The following ZNF627 variants were observed in gnomAD, a reference collection of about 807,000 sequenced individuals.
ZNF627 encodes zinc finger protein 627.
Under a neutral mutation model 10.6 loss-of-function variants are expected in ZNF627, and 12 were observed. The ratio of observed to expected loss-of-function variants is 1.13; its 90% CI spans 0.73 to 1.84. The LOEUF (loss-of-function observed/expected upper bound fraction) is 1.84, where lower values mean the gene tolerates loss of function less well. Among genes scored for constraint, ZNF627 ranks in the 40% most tolerant of loss-of-function variants. ZNF627 has a pLI of 0.00. For missense variants in ZNF627, 504 were observed against 568.4 expected (o/e 0.89, Z 1.15); for synonymous variants, 176 against 187.1 (o/e 0.94, Z 0.48).
Position 11,617,441 on chromosome 19 carries a change from G to A in ZNF627, c.938G>A (p.Gly313Glu). Reference sequence around the variant, plus strand: ...AAACTTTTTGAATGTAAGGAATGCGGGAAGGCTTTGACTTGTCTTGCAAGT... The same window carrying A: ...AAACTTTTTGAATGTAAGGAATGCGAGAAGGCTTTGACTTGTCTTGCAAGT... ...GEKLFECKEC[G>E]KALTCLASVR... The change falls in exon 4 of 4, where the codon GGG (glycine) becomes GAG (glutamate). Residue 313 changes from glycine to glutamate, a missense_variant. By Grantham distance (98) the Gly-to-Glu change is moderately conservative. Coordinates refer to ENST00000361113, the MANE Select transcript of ZNF627 (RefSeq NM_145295.4). 6.2e-7 allele frequency: 1 copy of A among 1,613,900 alleles called. No individual in the cohort carries two copies. The highest frequency in any genetic ancestry group is 2.2e-5 in the East Asian group (1 of 44,858).
At chr19:11,599,796 A>G (rs771443937) in intron 1 of ZNF627, among the ~76,000 whole-genome samples, 4 of 152,084 alleles carry the variant, frequency 2.6e-5, no homozygotes, top group Non-Finnish European at 5.9e-5. Flanking sequence ...AATCTCAGCT[A>G]CTGGGGAGGC....
intron 3 of ZNF627, among the ~76,000 whole-genome samples, chr19:11,615,331 T>C (rs1973848314): frequency 6.6e-6 from 1 of 150,386 alleles, no homozygotes; most frequent in African/African-American, 2.4e-5. Context: ...CCAGGCATGG[T>C]GACTCACGCC....
chr19:11,617,165 A>G lies in ZNF627; in HGVS notation c.662A>G (p.Lys221Arg), dbSNP rs1335601235. ...RIHERSHTGEKPYECKQCGKA... is the reference protein window; with the variant it reads ...RIHERSHTGERPYECKQCGKA... ...CATGAAAGAAGTCACACTGGAGAGAAACCTTATGAATGCAAGCAATGTGGG... is the reference window on the plus strand; with the variant it reads ...CATGAAAGAAGTCACACTGGAGAGAGACCTTATGAATGCAAGCAATGTGGG... Residue 221 changes from lysine (K) to arginine (R), a missense_variant, in exon 4 of 4, where the codon AAA becomes AGA. Transcript: ENST00000361113. The G allele has an allele frequency of 3.7e-6, 6 of 1,613,692 alleles. No homozygotes were observed. Among genetic ancestry groups the G allele is most frequent in the Non-Finnish European group, 5.1e-6 (6 of 1,179,958 alleles).
intron 1 of ZNF627, among the ~76,000 whole-genome samples, chr19:11,609,936 G>A (rs1381640926): frequency 3.3e-5 from 5 of 152,024 alleles, no homozygotes; most frequent in Admixed American, 2.0e-4. Flanking sequence ...CGTCCAGTGA[G>A]CGCAATAACT....
Position 11,610,801 on chromosome 19 carries a change from G to T in ZNF627, c.4-3726G>T, listed in dbSNP as rs538237794. Among the ~76,000 whole-genome samples the T allele has an allele frequency of 7.2e-5, 11 of 152,244 alleles. No homozygotes were observed. In the East Asian group the frequency reaches 2.1e-3, roughly 29 times the overall value. ...CTGTTTCATAGATGGGATGCTTCTT[G>T]ATTCGTGACTCGCTAATAATAGCCA... On this transcript the variant is annotated intron_variant, in intron 1 of 3. Coordinates refer to ENST00000361113, the MANE Select transcript of ZNF627 (RefSeq NM_145295.4).
At chr19:11,600,793 A>G (rs1384606177) in intron 1 of ZNF627, among the ~76,000 whole-genome samples, 1 of 152,134 alleles carries the variant, frequency 6.6e-6, no homozygotes, top group African/African-American at 2.4e-5. Context: ...GGACTTGGTA[A>G]CTCCTAGAAG....
intron 1 of ZNF627, among the ~76,000 whole-genome samples, chr19:11,606,698 T>C (rs531832155): frequency 1.3e-5 from 2 of 152,370 alleles, no homozygotes; most frequent in African/African-American, 4.8e-5. Context: ...TCCGCCCCTG[T>C]AGCACACCTC....
Position 11,618,000 on chromosome 19 carries a change from C to A in ZNF627, c.*111C>A. Reference sequence around the variant, plus strand: ...GAAAGGATTCACAGTGGAGAAAGACCCTGTAAGATAATTGGCTTTAAATTA... The same window carrying A: ...GAAAGGATTCACAGTGGAGAAAGACACTGTAAGATAATTGGCTTTAAATTA... On this transcript the variant is annotated 3_prime_UTR_variant, in exon 4 of 4. Coordinates refer to ENST00000361113, the MANE Select transcript of ZNF627 (RefSeq NM_145295.4). 1 of 905,334 alleles carries A rather than the reference C, an allele frequency of 1.1e-6. No individual in the cohort carries two copies. The highest frequency in any genetic ancestry group is 1.6e-6 in the Non-Finnish European group (1 of 628,104). The allele number at this position is 905,334 out of a possible 1,614,324, so 56.1% of individuals were successfully genotyped here. A position where few individuals can be genotyped will look rare whatever the true frequency, so the allele number is the denominator to read the frequency against.
At chr19:11,602,371 TA>T (rs1366226126) in intron 1 of ZNF627, among the ~76,000 whole-genome samples, 3 of 152,278 alleles carry the variant, frequency 2.0e-5, no homozygotes, top group Admixed American at 2.0e-4. Context: ...TTGTCATAGG[TA>T]AAAAAGCAGT....
At chr19:11,598,610 C>T (rs1973532770) in intron 1 of ZNF627, among the ~76,000 whole-genome samples, 1 of 152,148 alleles carries the variant, frequency 6.6e-6, no homozygotes, top group Non-Finnish European at 1.5e-5. Context: ...CTGGCGCTTG[C>T]AAATAATTCT....
At chr19:11,606,147 C>G (rs1176357235) in intron 1 of ZNF627, among the ~76,000 whole-genome samples, 1 of 152,072 alleles carries the variant, frequency 6.6e-6, no homozygotes, top group African/African-American at 2.4e-5. Context: ...CAAGACCATC[C>G]TGGCTAACAT....
Position 11,617,341 on chromosome 19 carries a change from G to T in ZNF627, c.838G>T (p.Glu280Ter), listed in dbSNP as rs751573167. The T allele has an allele frequency of 2.5e-6, 4 of 1,613,778 alleles. No homozygotes were observed. In the Admixed American group the frequency reaches 6.7e-5, roughly 27 times the overall value. ...ERTHTGEKPY[E>*]CKQCGKAFRC... ...AACTCACACAGGAGAGAAACCCTACGAATGTAAACAGTGCGGTAAAGCCTT... is the reference window on the plus strand; with the variant it reads ...AACTCACACAGGAGAGAAACCCTACTAATGTAAACAGTGCGGTAAAGCCTT... Residue 280 changes from glutamate (E) to a stop codon, truncating the protein, a stop_gained, in exon 4 of 4, where the codon GAA becomes TAA. Coordinates refer to ENST00000361113, the MANE Select transcript of ZNF627 (RefSeq NM_145295.4). LOFTEE classifies it low-confidence loss of function (END_TRUNC).
Position 11,616,926 on chromosome 19 carries a change from T to C in ZNF627, c.423T>C (p.Arg141=), listed in dbSNP as rs1568444685. ...YQEYGKKSYT[R]NQCGRALSYH... ...AATATGGAAAGAAGTCATATACACGTAACCAGTGTGGACGAGCCTTGAGTT... is the reference window on the plus strand; with the variant it reads ...AATATGGAAAGAAGTCATATACACGCAACCAGTGTGGACGAGCCTTGAGTT... The change falls in exon 4 of 4, where the codon CGT becomes CGC. Residue 141 remains arginine (R), a synonymous_variant. Coordinates refer to ENST00000361113, the MANE Select transcript of ZNF627 (RefSeq NM_145295.4). The C allele has an allele frequency of 6.2e-7, 1 of 1,614,152 alleles. No individual in the cohort carries two copies.
Position 11,617,014 on chromosome 19 carries a change from G to C in ZNF627, c.511G>C (p.Glu171Gln). The C allele has an allele frequency of 6.2e-7, 1 of 1,614,106 alleles. No homozygotes were observed. Among genetic ancestry groups the C allele is most frequent in the Non-Finnish European group, 8.5e-7 (1 of 1,179,982 alleles). Reference sequence around the variant, plus strand: ...TGGAGGAAAGCCCTATGATTGTAAGGAATGTGGAGAAACCTTTATTTCTCT... The same window carrying C: ...TGGAGGAAAGCCCTATGATTGTAAGCAATGTGGAGAAACCTTTATTTCTCT... ...HPGGKPYDCK[E>Q]CGETFISLVS... is the part of the protein sequence containing the mutation. The change falls in exon 4 of 4, where the codon GAA becomes CAA. Residue 171 changes from glutamate (E) to glutamine (Q), a missense_variant. Physicochemically the swap from Glu to Gln is conservative, Grantham distance 29. Coordinates refer to ENST00000361113, the MANE Select transcript of ZNF627 (RefSeq NM_145295.4).
In ZNF627 at chr19:11,618,155, T is replaced by G. The variant is rs1337941858; in HGVS notation, c.*266T>G. Reference sequence around the variant, plus strand: ...TCCATTTGTGATTCCATGATACAATTCACCAGTAACCTATCTTACATGAGA... The same window carrying G: ...TCCATTTGTGATTCCATGATACAATGCACCAGTAACCTATCTTACATGAGA... On this transcript the variant is annotated 3_prime_UTR_variant, in exon 4 of 4. Transcript: ENST00000361113. 1 of 396,604 alleles carries G rather than the reference T, an allele frequency of 2.5e-6. No individual in the cohort carries two copies. Among genetic ancestry groups the G allele is most frequent in the African/African-American group, 2.1e-5 (1 of 48,252 alleles). 24.6% of individuals were successfully genotyped at this position (396,604 alleles called of 1,614,324 possible). A position where few individuals can be genotyped will look rare whatever the true frequency, so the allele number is the denominator to read the frequency against.
Position 11,617,355 on chromosome 19 carries a change from C to T in ZNF627, c.852C>T (p.Cys284=), listed in dbSNP as rs140038234. The T allele has an allele frequency of 9.9e-5, 160 of 1,612,692 alleles. 1 individual carries two copies. The highest frequency in any genetic ancestry group is 1.9e-5 in the Non-Finnish European group (22 of 1,179,752). Residue 284 remains cysteine (C), a synonymous_variant, in exon 4 of 4, where the codon TGC becomes TGT. Transcript: ENST00000361113. ...TGEKPYECKQ[C]GKAFRCASSV... ...AGAAACCCTACGAATGTAAACAGTG[C>T]GGTAAAGCCTTTAGGTGCGCCAGTT...
intron 1 of ZNF627, among the ~76,000 whole-genome samples, chr19:11,612,282 G>A (rs577268996): frequency 4.6e-5 from 7 of 151,530 alleles, no homozygotes; most frequent in African/African-American, 9.7e-5. Flanking sequence ...CACCACGCCC[G>A]GCTAATTTTT....
At chr19:11,612,936 G>A (rs1275400695) in intron 1 of ZNF627, among the ~76,000 whole-genome samples, 1 of 151,316 alleles carries the variant, frequency 6.6e-6, no homozygotes, top group African/African-American at 2.4e-5. Context: ...CCCACTTCAA[G>A]TAGGCCGCGG....
intron 1 of ZNF627, among the ~76,000 whole-genome samples, chr19:11,598,606 C>T (rs142038484): frequency 2.0e-5 from 3 of 152,276 alleles, no homozygotes; most frequent in African/African-American, 7.2e-5. Context: ...TCCTCTGGCG[C>T]TTGCAAATAA....
Sources: gnomAD v4.1 joint callset for allele counts (sites outside exome capture counted in the v4.1 genomes callset) on GRCh38, gnomAD v4.1.1 for gene constraint, MANE v1.5 for transcripts, NCBI Gene and HGNC (gene_info 2026-07-23, HGNC 2026-07-21) for gene names.